Variants in SRGAP1 observed in about 807,000 individuals in gnomAD.
SRGAP1 encodes SLIT-ROBO Rho GTPase-activating protein 1.
SRGAP1 carries 43 observed loss-of-function variants against 121.9 expected under a neutral mutation model. The observed-to-expected ratio is 0.35, with a 90% CI of 0.28 to 0.46. The LOEUF (loss-of-function observed/expected upper bound fraction) is 0.46. Among genes scored for constraint, SRGAP1 ranks in the 20% least tolerant of loss-of-function variants. SRGAP1 has a pLI of 1.00. For missense variants in SRGAP1, 1,102 were observed against 1,350.9 expected (o/e 0.82, Z 2.89); for synonymous variants, 447 against 485.4 (o/e 0.92, Z 1.04).
chr12:63,856,422 T>G (rs1050542354), intron 1 of SRGAP1, among the ~76,000 whole-genome samples: 2 of 152,306 alleles, frequency 1.3e-5, no homozygotes, highest in Non-Finnish European at 2.9e-5. Context: ...TGTGTCATCT[T>G]CTAAATGTTG....
At position 64,150,556 on chromosome 12, in the gene SRGAP1, T is replaced by C. The variant is rs973856359; in HGVS notation, c.*7884T>C. 1 of 152,102 alleles carries C rather than the reference T, an allele frequency of 6.6e-6. No homozygotes were observed. Among genetic ancestry groups the C allele is most frequent in the African/African-American group, 2.4e-5 (1 of 41,402 alleles). 9.4% of individuals were successfully genotyped at this position (152,102 alleles called of 1,614,324 possible). ...TAAGCCAGGAGAGAAGGAAACATCT[T>C]CAGTGGTCCAGTGGCACATTCAAAA... On this transcript the variant is annotated 3_prime_UTR_variant, in exon 22 of 22. Coordinates refer to ENST00000355086, the MANE Select transcript of SRGAP1 (RefSeq NM_020762.4).
At chr12:64,000,419 G>A (rs1451637955) in intron 3 of SRGAP1, among the ~76,000 whole-genome samples, 4 of 151,802 alleles carry the variant, frequency 2.6e-5, no homozygotes, top group African/African-American at 9.7e-5. Flanking sequence ...GACCAGCGTG[G>A]GCAACATAGC....
rs774601306 is a variant in SRGAP1, at chr12:64,142,355, A to G, written c.2941A>G (p.Thr981Ala). Reference sequence around the variant, plus strand: ...ACTCCGAGAACTGGAGAGACAGAGCACAGCAAAGCATGCCCCTGATGTGGT... The same window carrying G: ...ACTCCGAGAACTGGAGAGACAGAGCGCAGCAAAGCATGCCCCTGATGTGGT... Reference protein sequence around the residue: ...NELRELERQSTAKHAPDVVLD... With the variant: ...NELRELERQSAAKHAPDVVLD... The change falls in exon 22 of 22, where the codon ACA becomes GCA. Residue 981 changes from threonine to alanine, a missense_variant. Physicochemically the swap from Thr to Ala is moderately conservative, Grantham distance 58. Coordinates refer to ENST00000355086, the MANE Select transcript of SRGAP1 (RefSeq NM_020762.4). The G allele has an allele frequency of 2.5e-6, 4 of 1,614,160 alleles. No individual in the cohort carries two copies. The highest frequency in any genetic ancestry group is 3.4e-6 in the Non-Finnish European group (4 of 1,180,018).
At chr12:64,054,004 A>G (rs1267498504) in intron 6 of SRGAP1, among the ~76,000 whole-genome samples, 1 of 152,184 alleles carries the variant, frequency 6.6e-6, no homozygotes, top group African/African-American at 2.4e-5. Context: ...ATTACTGATA[A>G]TGTAGCCTCT....
At chr12:64,021,420 T>C (rs1390896026) in intron 4 of SRGAP1, among the ~76,000 whole-genome samples, 2 of 152,242 alleles carry the variant, frequency 1.3e-5, no homozygotes, top group Admixed American at 6.5e-5. Flanking sequence ...GTTATTGTGC[T>C]AAGCATATTA....
At chr12:64,035,113 G>A (rs2034874973) in intron 4 of SRGAP1, among the ~76,000 whole-genome samples, 1 of 125,636 alleles carries the variant, frequency 8.0e-6, no homozygotes, top group African/African-American at 3.0e-5. Context: ...GTGGGAGGTG[G>A]GGGATGGGAT....
At position 64,078,911 on chromosome 12, in the gene SRGAP1, A is replaced by G. The variant is rs201177366; in HGVS notation, c.1126-8A>G. ...GTACTAACGTGAGAAATGTATTTCTATTCCCAGGTTAAGAAAACGACTGAA... is the reference window on the plus strand; with the variant it reads ...GTACTAACGTGAGAAATGTATTTCTGTTCCCAGGTTAAGAAAACGACTGAA... On this transcript the variant is annotated splice_polypyrimidine_tract_variant and splice_region_variant and intron_variant, in intron 8 of 21. Transcript: ENST00000355086. The G allele has an allele frequency of 6.1e-5, 98 of 1,611,250 alleles. No homozygotes were observed. In the African/African-American group the frequency reaches 9.2e-4, roughly 15 times the overall value.
At chr12:63,902,579 T>C (rs904756045) in intron 1 of SRGAP1, among the ~76,000 whole-genome samples, 4 of 152,204 alleles carry the variant, frequency 2.6e-5, no homozygotes, top group Non-Finnish European at 5.9e-5. Flanking sequence ...CCTAAAATGA[T>C]GGACTAGATT....
At chr12:63,852,013 G>T (rs1483242518) in intron 1 of SRGAP1, among the ~76,000 whole-genome samples, 1 of 152,086 alleles carries the variant, frequency 6.6e-6, no homozygotes, top group East Asian at 1.9e-4. Context: ...TTGAGACAGG[G>T]TCTCGCTCTG....
intron 1 of SRGAP1, among the ~76,000 whole-genome samples, chr12:63,913,480 T>TATATATAG (rs1555238833): frequency 6.4e-5 from 7 of 108,624 alleles, no homozygotes; most frequent in Non-Finnish European, 1.3e-4. Flanking sequence ...TATATATGGA[T>TATATATAG]ATATATATAT....
chr12:64,077,922 C>T (rs748574059), intron 8 of SRGAP1, among the ~76,000 whole-genome samples: 2 of 152,124 alleles, frequency 1.3e-5, no homozygotes, highest in Non-Finnish European at 2.9e-5. Flanking sequence ...AGACTCATAA[C>T]TTAGAAAATG....
At chr12:64,100,246 T>G (rs1407043654) in intron 15 of SRGAP1, among the ~76,000 whole-genome samples, 4 of 152,212 alleles carry the variant, frequency 2.6e-5, no homozygotes, top group Admixed American at 6.5e-5. Context: ...ATGTGTTTCT[T>G]TGGCATAATT....
chr12:63,854,015 GCTTGCTTGCTT>G (rs1472950258), intron 1 of SRGAP1, among the ~76,000 whole-genome samples: 1 of 152,164 alleles, frequency 6.6e-6, no homozygotes, highest in African/African-American at 2.4e-5. Context: ...TTGCTTCTTT[GCTTGCTTGCTT>G]TGTGAAATAT....
chr12:63,951,930 T>TTG (rs777949692), intron 1 of SRGAP1, among the ~76,000 whole-genome samples: 35 of 151,702 alleles, frequency 2.3e-4, no homozygotes, highest in African/African-American at 2.9e-4. Context: ...AGTTTTGGGT[T>TTG]TGTGTGTGTG....
Position 63,984,059 on chromosome 12 carries a change from G to A in SRGAP1, c.180G>A (p.Glu60=). 6.4e-7 allele frequency: 1 copy of A among 1,558,962 alleles called. No homozygotes were observed. Among genetic ancestry groups the A allele is most frequent in the Non-Finnish European group, 8.7e-7 (1 of 1,146,312 alleles). Residue 60 remains glutamate, a synonymous_variant, in exon 2 of 22, where the codon GAG becomes GAA. Coordinates refer to ENST00000355086, the MANE Select transcript of SRGAP1 (RefSeq NM_020762.4). ...TCTTCCGAAAAAAAGCTGAAATTGA[G>A]ACGGAATATTCCCGGAATCTAGAGA... ...QDFFRKKAEI[E]TEYSRNLEKL...
At chr12:63,887,804 G>C (rs962253724) in intron 1 of SRGAP1, 2 of 152,204 alleles carry the variant, frequency 1.3e-5, no homozygotes, top group Non-Finnish European at 2.9e-5. Flanking sequence ...AATTACTTTC[G>C]AAGGTCTTCA....
chr12:64,093,205 A>G (rs1156494703), intron 12 of SRGAP1, among the ~76,000 whole-genome samples: 1 of 152,120 alleles, frequency 6.6e-6, no homozygotes, highest in African/African-American at 2.4e-5. Flanking sequence ...GTTCTTATAA[A>G]ATATTTTCTT....
At chr12:64,071,707 C>G (rs1224436255) in intron 8 of SRGAP1, among the ~76,000 whole-genome samples, 1 of 152,140 alleles carries the variant, frequency 6.6e-6, no homozygotes, top group Non-Finnish European at 1.5e-5. Flanking sequence ...GAGTCCTGAG[C>G]AACAATGATG....
intron 1 of SRGAP1, among the ~76,000 whole-genome samples, chr12:63,938,616 C>T (rs918355177): frequency 2.6e-5 from 4 of 152,148 alleles, no homozygotes; most frequent in African/African-American, 9.7e-5. Context: ...TGTGGTTAAA[C>T]AGCTGGAAGG....
Sources: allele counts gnomAD v4.1 joint callset (sites outside exome capture counted in the v4.1 genomes callset), GRCh38; gene constraint gnomAD v4.1.1; transcripts MANE v1.5; gene names NCBI Gene and HGNC (gene_info 2026-07-23, HGNC 2026-07-21).